The following PPP2R2C variants were observed in gnomAD, a reference collection of about 807,000 sequenced individuals.
PPP2R2C encodes protein phosphatase 2, regulatory subunit B, gamma.
Under a neutral mutation model 45.3 loss-of-function variants are expected in PPP2R2C, and 10 were observed. The ratio of observed to expected loss-of-function variants is 0.22; its 90% CI spans 0.14 to 0.37. PPP2R2C has a LOEUF of 0.37. Ranked by LOEUF, PPP2R2C falls within the 10% of genes least tolerant of loss-of-function variation. PPP2R2C has a pLI of 1.00. For synonymous variants in PPP2R2C, 257 were observed against 245.4 expected (o/e 1.05, Z -0.44); for missense variants, 308 against 619.7 (o/e 0.50, Z 5.34).
chr4:6,557,144 G>T (rs1725428484), intron 1 of PPP2R2C, among the ~76,000 whole-genome samples: 1 of 152,168 alleles, frequency 6.6e-6, no homozygotes, highest in African/African-American at 2.4e-5. Flanking sequence ...CTTGCTAATA[G>T]GTTCCTTTCC....
chr4:6,384,639 T>C, intron 1 of PPP2R2C: 1 of 985,470 alleles, frequency 1.0e-6, no homozygotes, highest in Non-Finnish European at 1.2e-6. Flanking sequence ...AATATAACTA[T>C]TGCTATCCCA....
chr4:6,475,202 TGGGGATGGAGATGGAGATGAAGGC>T (rs1358054856), upstream of PPP2R2C, among the ~76,000 whole-genome samples: 5 of 151,160 alleles, frequency 3.3e-5, no homozygotes, highest in Admixed American at 1.3e-4. Flanking sequence ...GGGATGGAGA[TGGGGATGGAGATGGAGATGAAGGC>T]GGGGATGGAG....
At position 6,329,147 on chromosome 4, in the gene PPP2R2C, C is replaced by T; in HGVS notation, c.1052+115G>A. 1 of 923,606 alleles carries T rather than the reference C, an allele frequency of 1.1e-6. No individual in the cohort carries two copies. The highest frequency in any genetic ancestry group is 1.7e-6 in the Non-Finnish European group (1 of 584,754). The allele number at this position is 923,606 out of a possible 1,614,324, so 57.2% of individuals were successfully genotyped here. On this transcript the variant is annotated intron_variant, in intron 8 of 8. Coordinates refer to ENST00000382599, the MANE Select transcript of PPP2R2C (RefSeq NM_020416.4). This position sits in a 1 kb window ranked among gnomAD's most constrained non-coding sequence, Gnocchi z 5.8. ...CGTGGGCTTCACCCAGACACCTGGA[C>T]CCATTGAGGCTGAGTAGCCCCATGC... is the stretch of plus-strand genomic sequence containing the variant.
At chr4:6,434,043 C>T (rs769043684) in intron 1 of PPP2R2C, among the ~76,000 whole-genome samples, 8 of 152,100 alleles carry the variant, frequency 5.3e-5, no homozygotes, top group Admixed American at 1.3e-4. Flanking sequence ...CTTTCAGGTG[C>T]ATCATCCTAC....
intron 1 of PPP2R2C, among the ~76,000 whole-genome samples, chr4:6,397,525 C>T (rs1717122066): frequency 1.2e-5 from 1 of 85,234 alleles, no homozygotes; most frequent in African/African-American, 3.6e-5. Flanking sequence ...GGAAAAGAGG[C>T]CTCATGCAAG....
chr4:6,435,179 T>C (rs1279586863), intron 1 of PPP2R2C, among the ~76,000 whole-genome samples: 3 of 152,094 alleles, frequency 2.0e-5, no homozygotes, highest in African/African-American at 7.2e-5. Flanking sequence ...GTTCTAATAT[T>C]TCTCTCTCTC....
At chr4:6,485,969 G>C (rs1017279823) in intron 2 of PPP2R2C, among the ~76,000 whole-genome samples, 1 of 151,618 alleles carries the variant, frequency 6.6e-6, no homozygotes, top group Non-Finnish European at 1.5e-5. Flanking sequence ...GTTTCTTAAG[G>C]TGGAACTCAA....
chr4:6,407,131 G>A (rs1717848862), intron 1 of PPP2R2C, among the ~76,000 whole-genome samples: 1 of 152,188 alleles, frequency 6.6e-6, no homozygotes. Flanking sequence ...TTGGACTTCT[G>A]GACTGTAGAA....
At chr4:6,405,915 G>C (rs959717252) in intron 1 of PPP2R2C, among the ~76,000 whole-genome samples, 2 of 152,118 alleles carry the variant, frequency 1.3e-5, no homozygotes, top group Non-Finnish European at 2.9e-5. Context: ...TTGGCATTTG[G>C]CTCGATACTT....
chr4:6,454,051 A>G (rs546882373), intron 1 of PPP2R2C, among the ~76,000 whole-genome samples: 1 of 152,248 alleles, frequency 6.6e-6, no homozygotes, highest in Non-Finnish European at 1.5e-5. Context: ...ATGTTTTTGC[A>G]TTTTTTAACA....
chr4:6,495,733 C>T lies in PPP2R2C; in HGVS notation c.49+39538G>A, dbSNP rs547439472. On this transcript the variant is annotated intron_variant, in intron 2 of 9. Transcript: ENST00000506140. ...AGGCGCTTTGAAACAGAACTGCTGC[C>T]GGGAGGGAGAGGAGGCTCTTCGGCT... is the stretch of plus-strand genomic sequence containing the variant. Among the ~76,000 whole-genome samples the T allele has an allele frequency of 3.9e-4, 59 of 152,328 alleles. 1 individual carries two copies. The highest frequency in any genetic ancestry group is 1.2e-3 in the African/African-American group (51 of 41,568).
At chr4:6,387,598 C>T (rs893151668) in intron 1 of PPP2R2C, among the ~76,000 whole-genome samples, 1 of 152,034 alleles carries the variant, frequency 6.6e-6, no homozygotes, top group Non-Finnish European at 1.5e-5. Flanking sequence ...ATCACCTGAG[C>T]TCAGGAGATC....
At chr4:6,533,061 C>T (rs1299284528) in intron 2 of PPP2R2C, among the ~76,000 whole-genome samples, 1 of 152,146 alleles carries the variant, frequency 6.6e-6, no homozygotes, top group East Asian at 1.9e-4. Flanking sequence ...CGGCTCTGGT[C>T]TTGAGTTAAT....
At chr4:6,441,415 C>G (rs13150377) in intron 1 of PPP2R2C, among the ~76,000 whole-genome samples, 2 of 151,578 alleles carry the variant, frequency 1.3e-5, no homozygotes, top group Non-Finnish European at 3.0e-5. Flanking sequence ...GCCCCATGAG[C>G]CCCATGGGGC....
intron 1 of PPP2R2C, among the ~76,000 whole-genome samples, chr4:6,549,062 A>G (rs1725091328): frequency 6.6e-6 from 1 of 152,092 alleles, no homozygotes; most frequent in Non-Finnish European, 1.5e-5. Flanking sequence ...TCTGGTAAAT[A>G]TCTGTTGAAT....
intron 8 of PPP2R2C, among the ~76,000 whole-genome samples, chr4:6,325,249 C>T (rs34346847): frequency 0.062 from 9,451 of 152,268 alleles, 381 homozygotes; most frequent in South Asian, 0.11. Flanking sequence ...ATAGGCTGAA[C>T]ACCCCGCACA....
intron 1 of PPP2R2C, chr4:6,381,358 C>A (rs570825225): frequency 3.3e-6 from 5 of 1,497,528 alleles, no homozygotes; most frequent in Non-Finnish European, 3.6e-6. Context: ...CAGTGGCTGG[C>A]AGACTTTATA....
In PPP2R2C at chr4:6,323,029, C is replaced by T. The variant is rs965874056; in HGVS notation, c.*273G>A. 1.0e-4 allele frequency: 37 copies of T among 363,508 alleles called. No individual in the cohort carries two copies. Among genetic ancestry groups the T allele is most frequent in the African/African-American group, 6.6e-4 (32 of 48,614 alleles). The allele number at this position is 363,508 out of a possible 1,614,324, so 22.5% of individuals were successfully genotyped here. A position where few individuals can be genotyped will look rare whatever the true frequency, so the allele number is the denominator to read the frequency against. On this transcript the variant is annotated 3_prime_UTR_variant, in exon 9 of 9. Transcript: ENST00000382599. ...AATGAAAGAACCCTGAACTGTAAGACTCCACAGTCATGTCCATTTTATGAT... is the reference window on the plus strand; with the variant it reads ...AATGAAAGAACCCTGAACTGTAAGATTCCACAGTCATGTCCATTTTATGAT...
rs374087823 is a variant in PPP2R2C at position 6,351,853 on chromosome 4, C to T, written c.626-3843G>A. Among the ~76,000 whole-genome samples the T allele has an allele frequency of 5.1e-3, 784 of 152,256 alleles. 4 individuals carry two copies. Among genetic ancestry groups the T allele is most frequent in the Non-Finnish European group, 8.5e-3 (581 of 68,004 alleles). On this transcript the variant is annotated intron_variant, in intron 5 of 8. Coordinates refer to ENST00000382599, the MANE Select transcript of PPP2R2C (RefSeq NM_020416.4). ...GGGCTGGGTCCATGGTCACCTGGTC[C>T]GTGCGACCGCCTCTCCAAGACCTTG...
Sources: allele counts gnomAD v4.1 joint callset (sites outside exome capture counted in the v4.1 genomes callset), GRCh38; gene constraint gnomAD v4.1.1; non-coding constraint Gnocchi (gnomAD v3.1); transcripts MANE v1.5; gene names NCBI Gene and HGNC (gene_info 2026-07-23, HGNC 2026-07-21).